EXT1: variants seen among roughly 807,000 people sequenced by gnomAD.
The protein encoded by EXT1 is exostosin glycosyltransferase 1, also known as exostosin-1.
Under a neutral mutation model 82.5 loss-of-function variants are expected in EXT1, and 20 were observed. The ratio of observed to expected loss-of-function variants is 0.24; its 90% CI spans 0.17 to 0.35. The LOEUF is 0.35. Among genes scored for constraint, EXT1 ranks in the 10% least tolerant of loss-of-function variants. The probability of loss-of-function intolerance (pLI) is 1.00; values close to 1 mark genes in which losing one functional copy is unlikely to be tolerated. For synonymous variants in EXT1, 348 were observed against 350.8 expected, an observed-to-expected ratio of 0.99 and a Z score of 0.09; for missense variants, 757 against 936.5, an observed-to-expected ratio of 0.81 and a Z score of 2.50.
intron 1 of EXT1, among the ~76,000 whole-genome samples, chr8:117,984,617 G>A (rs969032754): frequency 1.3e-5 from 2 of 152,126 alleles, no homozygotes; most frequent in Non-Finnish European, 2.9e-5. Flanking sequence ...AGGAAACCTG[G>A]GGGGCTGAAG....
At chr8:118,010,954 TA>T (rs1815887621) in intron 1 of EXT1, among the ~76,000 whole-genome samples, 1 of 152,110 alleles carries the variant, frequency 6.6e-6, no homozygotes, top group Non-Finnish European at 1.5e-5. Flanking sequence ...CTCTGTTCAG[TA>T]ATATGACACT....
intron 1 of EXT1, among the ~76,000 whole-genome samples, chr8:118,041,146 TACA>T (rs917910506): frequency 6.6e-6 from 1 of 152,198 alleles, no homozygotes; most frequent in Admixed American, 6.5e-5. Context: ...TGGAACAGTC[TACA>T]ACTTTAAAAA....
chr8:117,982,909 C>T (rs923094899), intron 1 of EXT1, among the ~76,000 whole-genome samples: 5 of 152,226 alleles, frequency 3.3e-5, no homozygotes, highest in African/African-American at 7.2e-5. Context: ...TAGAGTTCTG[C>T]CTACCATTCC....
intron 1 of EXT1, among the ~76,000 whole-genome samples, chr8:117,887,168 T>C (rs548214720): frequency 6.6e-6 from 1 of 152,348 alleles, no homozygotes; most frequent in South Asian, 2.1e-4. Flanking sequence ...GTTTATGTTC[T>C]AGACCATACC....
intron 1 of EXT1, among the ~76,000 whole-genome samples, chr8:117,914,160 G>A (rs546873898): frequency 3.3e-5 from 5 of 152,182 alleles, no homozygotes; most frequent in Admixed American, 6.5e-5. Flanking sequence ...CAAGGACCCC[G>A]AACAGAGGGA....
chr8:117,910,944 T>C (rs957764841), intron 1 of EXT1, among the ~76,000 whole-genome samples: 5 of 152,322 alleles, frequency 3.3e-5, no homozygotes, highest in African/African-American at 1.2e-4. Flanking sequence ...ATCTGTTAGA[T>C]GTCAGGCTGC....
intron 1 of EXT1, among the ~76,000 whole-genome samples, chr8:117,857,610 G>T (rs1812589008): frequency 1.3e-5 from 2 of 152,044 alleles, no homozygotes; most frequent in Non-Finnish European, 2.9e-5. Context: ...TGAGGCAGGA[G>T]GGTCACTTGA....
intron 10 of EXT1, among the ~76,000 whole-genome samples, chr8:117,804,241 C>G (rs939151203): frequency 6.6e-6 from 1 of 152,066 alleles, no homozygotes; most frequent in African/African-American, 2.4e-5. Context: ...TAAAAAGGAC[C>G]CTAGAGAACT....
chr8:117,954,523 T>C (rs1290832996), intron 1 of EXT1, among the ~76,000 whole-genome samples: 2 of 152,328 alleles, frequency 1.3e-5, no homozygotes, highest in South Asian at 2.1e-4. Context: ...CCCACTCTAT[T>C]CGTTGTTATT....
chr8:117,945,412 G>A (rs984263557), intron 1 of EXT1, among the ~76,000 whole-genome samples: 9 of 152,132 alleles, frequency 5.9e-5, no homozygotes, highest in African/African-American at 1.9e-4. Flanking sequence ...TGGACTCCAC[G>A]GAGCTCTTGA....
At chr8:118,078,174 T>G (rs1295752780) in intron 1 of EXT1, among the ~76,000 whole-genome samples, 1 of 152,176 alleles carries the variant, frequency 6.6e-6, no homozygotes, top group Non-Finnish European at 1.5e-5. Flanking sequence ...CAAGGGGCAT[T>G]TGACCAGATT....
At chr8:117,874,788 C>T (rs886501056) in intron 1 of EXT1, among the ~76,000 whole-genome samples, 12 of 152,044 alleles carry the variant, frequency 7.9e-5, no homozygotes, top group Non-Finnish European at 8.8e-5. Context: ...AAATATATTC[C>T]TTTTCCATCT....
intron 1 of EXT1, among the ~76,000 whole-genome samples, chr8:118,039,982 C>A (rs550171391): frequency 1.3e-5 from 2 of 152,066 alleles, no homozygotes; most frequent in Non-Finnish European, 2.9e-5. Context: ...AGCGTAACAA[C>A]CCAAAAAACA....
At chr8:117,905,450 C>G (rs1008570364) in intron 1 of EXT1, among the ~76,000 whole-genome samples, 1 of 152,138 alleles carries the variant, frequency 6.6e-6, no homozygotes, top group African/African-American at 2.4e-5. Context: ...AAGGGGGAGG[C>G]GGAGGTTGCA....
chr8:118,102,618 A>C (rs73312347), intron 1 of EXT1, among the ~76,000 whole-genome samples: 2,835 of 152,280 alleles, frequency 0.019, 71 homozygotes, highest in African/African-American at 0.064. Context: ...ACTCACCATT[A>C]ATTAAATAAT....
At chr8:117,945,023 G>A (rs1002056195) in intron 1 of EXT1, among the ~76,000 whole-genome samples, 6 of 152,112 alleles carry the variant, frequency 3.9e-5, no homozygotes, top group East Asian at 3.9e-4. Flanking sequence ...TTAGCCGGGC[G>A]CGGTGGTGGG....
intron 1 of EXT1, among the ~76,000 whole-genome samples, chr8:117,844,912 A>G (rs1382120013): frequency 6.6e-6 from 1 of 152,144 alleles, no homozygotes; most frequent in African/African-American, 2.4e-5. Flanking sequence ...GCCTGCTGTT[A>G]GAACTGCCAC....
intron 1 of EXT1, among the ~76,000 whole-genome samples, chr8:117,935,919 C>T (rs1814151792): frequency 6.6e-6 from 1 of 152,124 alleles, no homozygotes. Flanking sequence ...GCTCCCTGGT[C>T]CTGGTTTACA....
intron 1 of EXT1, among the ~76,000 whole-genome samples, chr8:118,003,402 T>TAA (rs55968975): frequency 4.0e-5 from 6 of 150,458 alleles, no homozygotes; most frequent in South Asian, 4.2e-4. Context: ...CCTATTGAAA[T>TAA]AAAAAAAAAT....
Sources: allele counts gnomAD v4.1 joint callset (sites outside exome capture counted in the v4.1 genomes callset), GRCh38; gene constraint gnomAD v4.1.1; transcripts MANE v1.5; gene names NCBI Gene and HGNC (gene_info 2026-07-23, HGNC 2026-07-21).